Variants in PHF8 observed in about 807,000 individuals in gnomAD.
The protein encoded by PHF8 is PHD finger protein 8.
A neutral mutation model predicts 74.4 loss-of-function variants in PHF8; 9 were observed. The ratio of observed to expected loss-of-function variants is 0.12; its 90% confidence interval spans 0.07 to 0.21. The LOEUF is 0.21. Among genes scored for constraint, PHF8 ranks in the 10% least tolerant of loss-of-function variants. PHF8 has a pLI of 1.00. For missense variants in PHF8, 478 were observed against 816.6 expected (o/e 0.59, Z 5.05); for synonymous variants, 311 against 316.6 (o/e 0.98, Z 0.19).
At chrX:53,963,338 A>T (rs1167144495) in intron 18 of PHF8, among the ~76,000 whole-genome samples, 1 of 111,939 alleles carries the variant, frequency 8.9e-6, no homozygotes. Flanking sequence ...TGAAGCTGTT[A>T]TATGGTATTT....
intron 6 of PHF8, among the ~76,000 whole-genome samples, chrX:54,014,953 G>A (rs1381796539): frequency 9.0e-6 from 1 of 111,703 alleles, no homozygotes; most frequent in Non-Finnish European, 1.9e-5. Flanking sequence ...CTCAGTTCCA[G>A]GTAAAGAAAT....
chrX:53,983,878 C>T (rs1231917647), intron 18 of PHF8, among the ~76,000 whole-genome samples: 3 of 111,975 alleles, frequency 2.7e-5, no homozygotes, highest in Non-Finnish European at 3.8e-5. Context: ...GAACCACACA[C>T]ACTAAAACTA....
intron 2 of PHF8, among the ~76,000 whole-genome samples, chrX:54,036,820 G>A (rs1183869123): frequency 9.3e-6 from 1 of 107,186 alleles, no homozygotes; most frequent in African/African-American, 3.4e-5. Flanking sequence ...CCAACATGGT[G>A]AAACCCCATC....
At chrX:54,023,367 A>C (rs1301743388) in intron 2 of PHF8, among the ~76,000 whole-genome samples, 1 of 111,952 alleles carries the variant, frequency 8.9e-6, no homozygotes, top group East Asian at 2.8e-4. Flanking sequence ...TAAATGAAAA[A>C]TTACAGATAA....
intron 17 of PHF8, 107 bp from the exon 18 acceptor site, chrX:53,985,334 T>C: frequency 3.0e-6 from 2 of 667,007 alleles, no homozygotes; most frequent in Non-Finnish European, 4.7e-6. Context: ...AGGATCAAAG[T>C]GGGAGGAAAA....
intron 2 of PHF8, among the ~76,000 whole-genome samples, chrX:54,029,932 G>A (rs1557112211): frequency 3.6e-5 from 4 of 110,787 alleles, no homozygotes; most frequent in Non-Finnish European, 7.6e-5. Context: ...TGACTATAAC[G>A]ATTGCACACC....
intron 6 of PHF8, among the ~76,000 whole-genome samples, chrX:54,015,594 A>C (rs1213855195): frequency 9.3e-6 from 1 of 107,775 alleles, no homozygotes; most frequent in Non-Finnish European, 1.9e-5. Context: ...AAAAAAAAAA[A>C]AAACACAACA....
At chrX:53,952,283 C>CAAAAAAAAAAAA (rs782483897) in intron 19 of PHF8, among the ~76,000 whole-genome samples, 1 of 65,581 alleles carries the variant, frequency 1.5e-5, no homozygotes, top group Non-Finnish European at 3.0e-5. Context: ...GACTCTGTCT[C>CAAAAAAAAAAAA]AAAAAAAAAA....
intron 16 of PHF8, 66 bp from the exon 17 acceptor site, chrX:53,986,015 G>T: frequency 9.9e-7 from 1 of 1,012,256 alleles, no homozygotes; most frequent in Admixed American, 2.2e-5. Flanking sequence ...CAGTACAGGG[G>T]CGATGATCTG....
intron 16 of PHF8, 123 bp downstream of exon 16, chrX:53,986,955 T>C: frequency 4.1e-6 from 2 of 488,249 alleles, no homozygotes; most frequent in Non-Finnish European, 7.3e-6. Flanking sequence ...AATAAATAAA[T>C]TATTCAGGAA....
At chrX:53,958,941 G>A (rs1244699951) in intron 19 of PHF8, among the ~76,000 whole-genome samples, 1 of 110,188 alleles carries the variant, frequency 9.1e-6, no homozygotes, top group Non-Finnish European at 1.9e-5. Flanking sequence ...AATAATCAGA[G>A]ATATAAACAT....
Position 53,938,155 on chromosome X carries a change from T to C in PHF8, c.*1003A>G, listed in dbSNP as rs41306892. 112,331 of 1,122,130 alleles carry C rather than the reference T, an allele frequency of 0.1. 4,676 individuals carry two copies. Among genetic ancestry groups the C allele is most frequent in the African/African-American group, 0.24 (13,165 of 54,092 alleles). The allele number at this position is 1,122,130 out of a possible 1,213,427, so 92.5% of individuals were successfully genotyped here. ...AGAAAGAAGCATGAAAAGTTCCCGATGGAGGACCCAGGTGTGGGCCGTCCC... is the reference window on the plus strand; with the variant it reads ...AGAAAGAAGCATGAAAAGTTCCCGACGGAGGACCCAGGTGTGGGCCGTCCC... On this transcript the variant is annotated 3_prime_UTR_variant, in exon 22 of 22. Coordinates refer to ENST00000338154, the MANE Select transcript of PHF8 (RefSeq NM_015107.3).
intron 18 of PHF8, among the ~76,000 whole-genome samples, chrX:53,984,095 C>A: frequency 8.9e-6 from 1 of 112,638 alleles, no homozygotes; most frequent in East Asian, 2.8e-4. Context: ...GGCGCGATGG[C>A]TCACGCCTAT....
chrX:53,965,970 T>C (rs2065178801), intron 18 of PHF8, among the ~76,000 whole-genome samples: 1 of 109,833 alleles, frequency 9.1e-6, no homozygotes, highest in African/African-American at 3.3e-5. Context: ...GTATTTACCA[T>C]ACAAAGACTA....
At chrX:53,951,834 G>A (rs1488039131) in intron 19 of PHF8, among the ~76,000 whole-genome samples, 1 of 111,653 alleles carries the variant, frequency 9.0e-6, no homozygotes, top group Non-Finnish European at 1.9e-5. Flanking sequence ...ACCCATGGAG[G>A]TTAGAAGACA....
At chrX:54,010,686 C>A (rs1557106536) in intron 8 of PHF8, among the ~76,000 whole-genome samples, 1 of 111,051 alleles carries the variant, frequency 9.0e-6, no homozygotes, top group African/African-American at 3.3e-5. Flanking sequence ...GATTTTTTCA[C>A]AATAAATATA....
At position 54,022,294 on chromosome X, in the gene PHF8, C is replaced by T. The variant is rs144007511; in HGVS notation, c.258G>A (p.Thr86=). ...TCCTACTCCGGAGCTCTCTGACGAA[C>T]GTAGGGCTCCCGGTCTTCACTGGTT... ...KGKPVKTGSP[T]FVRELRSRTF... is the part of the protein sequence containing the mutation. Residue 86 remains threonine (T), a synonymous_variant, in exon 4 of 22, where the codon ACG becomes ACA. Coordinates refer to ENST00000338154, the MANE Select transcript of PHF8 (RefSeq NM_015107.3). 38 of 1,203,201 alleles carry T rather than the reference C, an allele frequency of 3.2e-5. No homozygotes were observed. In the African/African-American group the frequency reaches 4.4e-4, roughly 14 times the overall value.
intron 2 of PHF8, among the ~76,000 whole-genome samples, chrX:54,030,263 C>T (rs1216083641): frequency 3.6e-5 from 4 of 111,604 alleles, no homozygotes; most frequent in African/African-American, 1.3e-4. Flanking sequence ...CTAGACAACT[C>T]CTCATATCAG....
rs185024868 is a variant in PHF8 at position 54,009,127 on chromosome X, G to A, written c.946+1995C>T. Among the ~76,000 whole-genome samples, 5 of 111,066 alleles carry A rather than the reference G, an allele frequency of 4.5e-5. No homozygotes were observed. In the East Asian group the frequency reaches 1.4e-3, roughly 32 times the overall value. ...CGGGAGGCGGAAGTTGCAGTAAGCC[G>A]AGATTGTGCCACTGCACTCCAGCCT... On this transcript the variant is annotated intron_variant, in intron 8 of 21. Transcript: ENST00000338154.
Sources: gnomAD v4.1 joint callset for allele counts (sites outside exome capture counted in the v4.1 genomes callset) on GRCh38, gnomAD v4.1.1 for gene constraint, MANE v1.5 for transcripts, NCBI Gene and HGNC (gene_info 2026-07-23, HGNC 2026-07-21) for gene names.